The following CROCC variants were observed in gnomAD, a reference collection of about 807,000 sequenced individuals.
CROCC encodes the protein ciliary rootlet coiled-coil, rootletin.
In CROCC, 180 loss-of-function variants were observed where a neutral mutation model predicts 245.2. That is an observed-to-expected ratio of 0.73 (90% CI 0.65 to 0.83). CROCC has a LOEUF of 0.83. CROCC is among the 40% of genes least tolerant of loss of function. The probability of loss-of-function intolerance (pLI) is 0.00; values close to 1 mark genes in which losing one functional copy is unlikely to be tolerated. For synonymous variants in CROCC, 1,205 were observed against 1,241.6 expected, an observed-to-expected ratio of 0.97 and a Z score of 0.62; for missense variants, 2,688 against 2,779.4, an observed-to-expected ratio of 0.97 and a Z score of 0.74.
At chr1:16,927,255 A>G (rs1309447796) in intron 3 of CROCC, among the ~76,000 whole-genome samples, 1 of 152,244 alleles carries the variant, frequency 6.6e-6, no homozygotes, top group Non-Finnish European at 1.5e-5. Flanking sequence ...GGCACAGAAC[A>G]GTCCCCCCAC....
chr1:16,955,947 A>C (rs1206259509), intron 24 of CROCC, 50 bp from the exon 25 acceptor site: 1 of 1,546,412 alleles, frequency 6.5e-7, no homozygotes. Flanking sequence ...GTGTAGAGCC[A>C]CTGACTACTC....
Position 16,955,473 on chromosome 1 carries a change from C to T in CROCC, c.3627C>T (p.Ala1209=), listed in dbSNP as rs2076235342. 1 of 1,588,252 alleles carries T rather than the reference C, an allele frequency of 6.3e-7. No homozygotes were observed. Among genetic ancestry groups the T allele is most frequent in the Non-Finnish European group, 8.5e-7 (1 of 1,170,682 alleles). ...TGCGACGCAGCCTGGGCGAGGGTGC[C>T]AAGGAGCGCGAGGCCCTGCGGCGTT... is the stretch of plus-strand genomic sequence containing the variant. ...GELRRSLGEG[A]KEREALRRSN... The change falls in exon 24 of 37, where the codon GCC becomes GCT. Residue 1209 remains alanine (A), a synonymous_variant. Transcript: ENST00000375541.
Position 16,948,878 on chromosome 1 carries a change from C to A in CROCC, c.2788C>A (p.Leu930Met). ...CCAGCTTGAGGCCCGCCGGGAGCAG[C>A]TGGAAGCCGAGGGGCAGGCCCTGCT... ...LAQLEARREQ[L>M]EAEGQALLLA... Residue 930 changes from leucine (L) to methionine (M), a missense_variant, in exon 19 of 37, where the codon CTG becomes ATG. Leu to Met is a conservative substitution (Grantham distance 15). Around this residue, in one of 9 missense-constraint regions of CROCC, gnomAD observed 20 missense variants for 55.4 expected, o/e 0.36. Transcript: ENST00000375541. The A allele has an allele frequency of 6.2e-7, 1 of 1,611,482 alleles. No individual in the cohort carries two copies. The highest frequency in any genetic ancestry group is 1.1e-5 in the South Asian group (1 of 90,990).
intron 25 of CROCC, among the ~76,000 whole-genome samples, chr1:16,957,751 A>G (rs949372006): frequency 2.0e-5 from 3 of 152,124 alleles, no homozygotes; most frequent in Non-Finnish European, 4.4e-5. Context: ...GGCCCCCCCA[A>G]ATTTTTTTAA....
In CROCC at chr1:16,922,017, C is replaced by G; in HGVS notation, c.-2C>G. 2.6e-6 allele frequency: 4 copies of G among 1,551,424 alleles called. No homozygotes were observed. The highest frequency in any genetic ancestry group is 2.6e-6 in the Non-Finnish European group (3 of 1,146,970). On this transcript the variant is annotated 5_prime_UTR_variant, in exon 1 of 37. Coordinates refer to ENST00000375541, the MANE Select transcript of CROCC (RefSeq NM_014675.5). Reference sequence around the variant, plus strand: ...TGGAGGCATGCCCACAGCCTCCCCCCCATGAGCTTGGGGCTGGCGGGGGCA... The same window carrying G: ...TGGAGGCATGCCCACAGCCTCCCCCGCATGAGCTTGGGGCTGGCGGGGGCA...
In CROCC at chr1:16,946,805, A is replaced by G. The variant is rs1164722325; in HGVS notation, c.2328A>G (p.Ala776=). 42 of 1,552,372 alleles carry G rather than the reference A, an allele frequency of 2.7e-5. No individual in the cohort carries two copies. Among genetic ancestry groups the G allele is most frequent in the African/African-American group, 4.1e-5 (3 of 73,180 alleles). ...KSALQGRQRQ[A]EQEATVAREE... ...CCCTGCAGGGCCGGCAACGGCAGGC[A>G]GAGCAGGAGGCCACAGTGGCGCGGG... The change falls in exon 17 of 37, where the codon GCA becomes GCG. Residue 776 remains alanine, a synonymous_variant. Coordinates refer to ENST00000375541, the MANE Select transcript of CROCC (RefSeq NM_014675.5).
chr1:16,945,067 T>C (rs1353695267), intron 14 of CROCC, among the ~76,000 whole-genome samples: 4 of 152,278 alleles, frequency 2.6e-5, no homozygotes, highest in Non-Finnish European at 5.9e-5. Context: ...ATCCCGTCTC[T>C]ACTAAAACTA....
chr1:16,971,327 G>T (rs2076515175), intron 35 of CROCC, 138 bp from the exon 36 acceptor site: 2 of 1,312,052 alleles, frequency 1.5e-6, no homozygotes, highest in African/African-American at 3.0e-5. Context: ...GGGCCAGCAG[G>T]ATGGAAGACA....
intron 3 of CROCC, among the ~76,000 whole-genome samples, chr1:16,928,695 T>C (rs2075592691): frequency 1.3e-5 from 2 of 151,766 alleles, no homozygotes; most frequent in Admixed American, 6.6e-5. Context: ...CCCAGCTACT[T>C]GGGAGACTGA....
chr1:16,914,538 C>G (rs1191250112), intron 1 of CROCC, among the ~76,000 whole-genome samples: 3 of 152,284 alleles, frequency 2.0e-5, no homozygotes, highest in African/African-American at 7.2e-5. Context: ...CGTGTGGGAT[C>G]CGGTTTCGTC....
rs1417267953 is a variant in CROCC at position 16,930,678 on chromosome 1, G to A, written c.849+84G>A. 7.6e-6 allele frequency: 9 copies of A among 1,191,876 alleles called. No individual in the cohort carries two copies. The African/African-American group carries it at 1.4e-4, about 19-fold the overall frequency. 73.8% of individuals were successfully genotyped at this position (1,191,876 alleles called of 1,614,324 possible). ...AGGGAGGACTCAGAAGCCTGGAGAG[G>A]GAGAGGGAGCACTGTCCAAGGGAGC... On this transcript the variant is annotated intron_variant, in intron 7 of 36. Transcript: ENST00000375541.
intron 8 of CROCC, among the ~76,000 whole-genome samples, chr1:16,932,401 T>C (rs1236795052): frequency 6.6e-6 from 1 of 152,216 alleles, no homozygotes; most frequent in African/African-American, 2.4e-5. Flanking sequence ...GATCTCGCCA[T>C]TGTACTCCGG....
intron 4 of CROCC, 27 bp downstream of exon 4, chr1:16,930,058 T>C (rs758235052): frequency 9.6e-6 from 15 of 1,565,428 alleles, no homozygotes; most frequent in South Asian, 7.0e-5. Flanking sequence ...CCTGCTCCTG[T>C]CCTCCCACCT....
At chr1:16,943,399 A>G (rs540631927) in intron 13 of CROCC, among the ~76,000 whole-genome samples, 11 of 148,468 alleles carry the variant, frequency 7.4e-5, no homozygotes, top group African/African-American at 2.7e-4. Flanking sequence ...TTACCCGGAC[A>G]TGGTGGCGGG....
At chr1:16,967,501 G>T (rs2076438970) in intron 30 of CROCC, among the ~76,000 whole-genome samples, 1 of 152,348 alleles carries the variant, frequency 6.6e-6, no homozygotes, top group African/African-American at 2.4e-5. Flanking sequence ...AGGAGGCCAG[G>T]AACAAAGCTG....
intron 1 of CROCC, among the ~76,000 whole-genome samples, chr1:16,915,997 A>G (rs868602469): frequency 1.3e-5 from 2 of 152,326 alleles, no homozygotes; most frequent in Admixed American, 6.5e-5. Context: ...TGGCCAATAC[A>G]GTGAAACCTC....
Position 16,946,322 on chromosome 1 carries a change from C to G in CROCC, c.2200C>G (p.Leu734Val). 1.2e-6 allele frequency: 2 copies of G among 1,613,528 alleles called. No individual in the cohort carries two copies. The highest frequency in any genetic ancestry group is 1.3e-5 in the African/African-American group (1 of 75,076). ...MTKLRAEEAS[L>V]QDSLSKLSAL... ...CAAGCTGAGGGCAGAGGAGGCCTCCCTGCAGGACTCCCTGTCCAAGCTGAG... is the reference window on the plus strand; with the variant it reads ...CAAGCTGAGGGCAGAGGAGGCCTCCGTGCAGGACTCCCTGTCCAAGCTGAG... The change falls in exon 16 of 37, where the codon CTG becomes GTG. Residue 734 changes from leucine (L) to valine (V), a missense_variant. This residue lies in a region of CROCC where 295 missense variants were observed against 241.7 expected (regional missense o/e 1.22). Coordinates refer to ENST00000375541, the MANE Select transcript of CROCC (RefSeq NM_014675.5).
At position 16,955,384 on chromosome 1, in the gene CROCC, GC is replaced by G; in HGVS notation, c.3541del (p.Gln1181SerfsTer46). The part of the protein sequence containing the change: ...RDGLRRELLE[A>X]QRKLRESQEG... ...CGGGCTGCGGCGGGAGCTGCTGGAG[GC>G]CCAGCGCAAGCTGCGTGAGAGCCAG... is the stretch of plus-strand genomic sequence containing the variant. On this transcript the variant is annotated frameshift_variant, in exon 24 of 37. Coordinates refer to ENST00000375541, the MANE Select transcript of CROCC (RefSeq NM_014675.5). LOFTEE classifies it high-confidence loss of function. 1 of 1,605,928 alleles carries G rather than the reference GC, an allele frequency of 6.2e-7. No homozygotes were observed. The highest frequency in any genetic ancestry group is 1.3e-5 in the African/African-American group (1 of 75,020).
chr1:16,933,740 A>G (rs2075730410), intron 8 of CROCC, among the ~76,000 whole-genome samples: 1 of 152,226 alleles, frequency 6.6e-6, no homozygotes, highest in South Asian at 2.1e-4. Flanking sequence ...TAACTTTTGT[A>G]TTTTTAGTAG....
Sources: allele counts gnomAD v4.1 joint callset (sites outside exome capture counted in the v4.1 genomes callset), GRCh38; gene constraint gnomAD v4.1.1; regional missense constraint gnomAD v4.1.1; transcripts MANE v1.5; gene names NCBI Gene and HGNC (gene_info 2026-07-23, HGNC 2026-07-21).